KIF15: variants seen among roughly 807,000 people sequenced by gnomAD.
The protein encoded by KIF15 is kinesin family member 15, also known as kinesin-like protein KIF15.
In KIF15, 140 loss-of-function variants were observed where a neutral mutation model predicts 190.6. The ratio of observed to expected loss-of-function variants is 0.73; its 90% CI spans 0.64 to 0.84. The LOEUF (loss-of-function observed/expected upper bound fraction) is 0.84. KIF15 is among the 40% of genes least tolerant of loss of function. The pLI, the probability that KIF15 is intolerant of heterozygous loss-of-function variation, is 0.00. For synonymous variants in KIF15, 528 were observed against 551.3 expected, an observed-to-expected ratio of 0.96 and a Z score of 0.59; for missense variants, 1,372 against 1,584.4, an observed-to-expected ratio of 0.87 and a Z score of 2.28.
chr3:44,829,378 G>A (rs1027447074), intron 24 of KIF15, among the ~76,000 whole-genome samples: 24 of 140,426 alleles, frequency 1.7e-4, no homozygotes, highest in Non-Finnish European at 2.6e-4. Flanking sequence ...ATATATATGT[G>A]TGTGTGTGTG....
intron 29 of KIF15, 121 bp downstream of exon 29, chr3:44,841,359 G>A: frequency 7.7e-6 from 5 of 647,746 alleles, no homozygotes; most frequent in Non-Finnish European, 1.1e-5. Flanking sequence ...GGCACTATAG[G>A]TATATGCCAC....
At chr3:44,834,288 C>A (rs903787425) in intron 26 of KIF15, among the ~76,000 whole-genome samples, 5 of 151,976 alleles carry the variant, frequency 3.3e-5, no homozygotes, top group Non-Finnish European at 7.4e-5. Context: ...GAGTACTTAG[C>A]CAATGCAGTA....
Position 44,801,531 on chromosome 3 carries a change from G to A in KIF15, c.1299+5G>A. 1 of 1,528,422 alleles carries A rather than the reference G, an allele frequency of 6.5e-7. No homozygotes were observed. The allele number at this position is 1,528,422 out of a possible 1,614,324, so 94.7% of individuals were successfully genotyped here. A position where few individuals can be genotyped will look rare whatever the true frequency, so the allele number is the denominator to read the frequency against. On this transcript the variant is annotated splice_donor_5th_base_variant and intron_variant, in intron 12 of 34. Transcript: ENST00000326047. Reference sequence around the variant, plus strand: ...AAATCTGAACAGGAAAAGAAGGTAGGAAATGGAATTAGTAATAAAGGAGAT... The same window carrying A: ...AAATCTGAACAGGAAAAGAAGGTAGAAAATGGAATTAGTAATAAAGGAGAT...
At chr3:44,787,613 A>G (rs1045574654) in intron 7 of KIF15, among the ~76,000 whole-genome samples, 32 of 152,040 alleles carry the variant, frequency 2.1e-4, no homozygotes, top group African/African-American at 7.5e-4. Flanking sequence ...TTTTTATTGG[A>G]ATTACATTGC....
chr3:44,765,158 C>G (rs1225121563), intron 1 of KIF15, among the ~76,000 whole-genome samples: 3 of 152,202 alleles, frequency 2.0e-5, no homozygotes, highest in African/African-American at 7.2e-5. Context: ...TTAAATTTCA[C>G]TTTCTCTCGC....
chr3:44,845,568 A>G (rs1245358491), intron 30 of KIF15, among the ~76,000 whole-genome samples: 1 of 152,204 alleles, frequency 6.6e-6, no homozygotes, highest in African/African-American at 2.4e-5. Flanking sequence ...TGAGGCTACT[A>G]TGTTGCCAAA....
At chr3:44,841,333 C>T (rs1698592227) in intron 29 of KIF15, 95 bp downstream of exon 29, 1 of 859,144 alleles carries the variant, frequency 1.2e-6, no homozygotes, top group Admixed American at 2.7e-5. Flanking sequence ...CCATTTGCCT[C>T]AGCCACCCAG....
chr3:44,794,605 G>C (rs1706882200), intron 8 of KIF15, among the ~76,000 whole-genome samples, 179 bp downstream of exon 8: 1 of 152,096 alleles, frequency 6.6e-6, no homozygotes, highest in African/African-American at 2.4e-5. Context: ...ATCTCGGTTT[G>C]CATAAGTATA....
Position 44,843,196 on chromosome 3 carries a change from A to AGG in KIF15, c.3658_3659dup (p.Gln1221ValfsTer23). The AGG allele has an allele frequency of 6.2e-7, 1 of 1,613,698 alleles. No homozygotes were observed. The highest frequency in any genetic ancestry group is 1.1e-5 in the South Asian group (1 of 91,032). ...TAATAGAGAAAAACTGGCTCCTGCAAGGTCAGCTGGATGATATTAAAAGAC... is the reference window on the plus strand; with the variant it reads ...TAATAGAGAAAAACTGGCTCCTGCAAGGGGTCAGCTGGATGATATTAAAAGAC... On this transcript the variant is annotated frameshift_variant, in exon 30 of 35. Coordinates refer to ENST00000326047, the MANE Select transcript of KIF15 (RefSeq NM_020242.3). LOFTEE classifies it high-confidence loss of function.
In KIF15 at chr3:44,817,649, T is replaced by G. The variant is rs1708087282; in HGVS notation, c.2549+2573T>G. 1.3e-5 allele frequency among the ~76,000 whole-genome samples: 2 copies of G among 152,248 alleles called. 1 individual carries two copies. The highest frequency in any genetic ancestry group is 4.1e-4 in the South Asian group (2 of 4,836). On this transcript the variant is annotated intron_variant, in intron 20 of 34. Coordinates refer to ENST00000326047, the MANE Select transcript of KIF15 (RefSeq NM_020242.3). The stretch of plus-strand genomic sequence containing the variant: ...TGCTGTTTTGGTTACTGTAGCCTTG[T>G]AGTATAGTTTGAAGTCAGGTAGCGT...
chr3:44,852,123 T>C, intron 33 of KIF15, 85 bp from the exon 34 acceptor site: 1 of 1,502,174 alleles, frequency 6.7e-7, no homozygotes, highest in Non-Finnish European at 9.0e-7. Context: ...CTTCCTGTGC[T>C]CCTGGAAGGC....
chr3:44,867,982 A>G (rs1699338529), intron 6 of KIF15, among the ~76,000 whole-genome samples: 1 of 152,012 alleles, frequency 6.6e-6, no homozygotes, highest in Non-Finnish European at 1.5e-5. Context: ...TTTTTAACTT[A>G]CTCTTTTTAA....
rs1158451275 is a variant in KIF15, at chr3:44,801,915, G to A, written c.1450G>A (p.Glu484Lys). The change falls in exon 13 of 35, where the codon GAG becomes AAG. Residue 484 changes from glutamate to lysine, a missense_variant. Coordinates refer to ENST00000326047, the MANE Select transcript of KIF15 (RefSeq NM_020242.3). ...GGAATCCCGGGGAGGTTTTCTGCCT[G>A]AGGAGCAGGATCGTTTGCTCTCAGA... The part of the protein sequence containing the change: ...HKESRGGFLP[E>K]EQDRLLSELR... 6.2e-7 allele frequency: 1 copy of A among 1,614,014 alleles called. No homozygotes were observed. Among genetic ancestry groups the A allele is most frequent in the South Asian group, 1.1e-5 (1 of 91,056 alleles).
At chr3:44,791,907 CG>C (rs1241419744) in intron 7 of KIF15, among the ~76,000 whole-genome samples, 28 of 152,044 alleles carry the variant, frequency 1.8e-4, no homozygotes, top group Middle Eastern at 3.4e-3. Flanking sequence ...TTAGTAGAGA[CG>C]GGGTTTCACC....
intron 24 of KIF15, among the ~76,000 whole-genome samples, chr3:44,829,587 TTATATATTATATATGCA>T (rs1299108909): frequency 7.0e-5 from 2 of 28,686 alleles, no homozygotes; most frequent in Non-Finnish European, 1.2e-4. Flanking sequence ...TATGTATATA[TTATATATTATATATGCA>T]TATATATTAT....
At chr3:44,776,070 A>G (rs1268972578) in intron 3 of KIF15, among the ~76,000 whole-genome samples, 1 of 145,908 alleles carries the variant, frequency 6.9e-6, no homozygotes, top group Non-Finnish European at 1.5e-5. Context: ...ACAGAGCAAG[A>G]CTCTGTCTCA....
chr3:44,785,692 T>TA (rs938871530), intron 6 of KIF15, among the ~76,000 whole-genome samples: 6 of 152,218 alleles, frequency 3.9e-5, no homozygotes, highest in African/African-American at 1.2e-4. Context: ...TTTCTATGGT[T>TA]AAAAATCCTA....
At position 44,827,431 on chromosome 3, in the gene KIF15, G is replaced by A. The variant is rs368089125; in HGVS notation, c.2787-28G>A. The A allele has an allele frequency of 5.0e-5, 75 of 1,506,702 alleles. No individual in the cohort carries two copies. The African/African-American group carries it at 9.5e-4, about 19-fold the overall frequency. The allele number at this position is 1,506,702 out of a possible 1,614,324, so 93.3% of individuals were successfully genotyped here. On this transcript the variant is annotated intron_variant, in intron 22 of 34. Transcript: ENST00000326047. Reference sequence around the variant, plus strand: ...TTCCTGTTTTCATTGAGTGAAGTCAGGGGTAAAAGATAATTATTCTCTTCC... The same window carrying A: ...TTCCTGTTTTCATTGAGTGAAGTCAAGGGTAAAAGATAATTATTCTCTTCC...
In KIF15 at chr3:44,831,006, T is replaced by G; in HGVS notation, c.3159T>G (p.Ser1053=). 1 of 1,614,004 alleles carries G rather than the reference T, an allele frequency of 6.2e-7. No homozygotes were observed. ...LKETLRLRIL[S]EDIERDMLCE... ...AAACCCTTAGGCTGAGAATACTTTC[T>G]GAGGACATAGAGGTAGGTATTAACG... is the stretch of plus-strand genomic sequence containing the variant. Residue 1053 remains serine, a synonymous_variant, in exon 26 of 35, where the codon TCT becomes TCG. Transcript: ENST00000326047.
Sources: allele counts gnomAD v4.1 joint callset (sites outside exome capture counted in the v4.1 genomes callset), GRCh38; gene constraint gnomAD v4.1.1; transcripts MANE v1.5; gene names NCBI Gene and HGNC (gene_info 2026-07-23, HGNC 2026-07-21).